TRPC4: variants seen among roughly 807,000 people sequenced by gnomAD.
TRPC4 encodes the protein short transient receptor potential channel 4.
TRPC4 carries 49 observed loss-of-function variants against 99.4 expected under a neutral mutation model. The observed-to-expected ratio is 0.49, with a 90% CI of 0.39 to 0.63. The LOEUF is 0.63. TRPC4 is among the 20% of genes least tolerant of loss of function. The pLI, the probability that TRPC4 is intolerant of heterozygous loss-of-function variation, is 0.00. For missense variants in TRPC4, 898 were observed against 1,152.9 expected (o/e 0.78, Z 3.20); for synonymous variants, 454 against 425.9 (o/e 1.07, Z -0.81).
intron 2 of TRPC4, among the ~76,000 whole-genome samples, chr13:37,770,333 G>A (rs1956515713): frequency 6.6e-6 from 1 of 151,378 alleles, no homozygotes; most frequent in Non-Finnish European, 1.5e-5. Flanking sequence ...TAGGAGAATG[G>A]GGTGACATCA....
At chr13:37,862,794 T>C (rs1436300243) in intron 1 of TRPC4, among the ~76,000 whole-genome samples, 2 of 151,622 alleles carry the variant, frequency 1.3e-5, no homozygotes, top group Non-Finnish European at 3.0e-5. Context: ...GTGACTGTTA[T>C]GTATTAAGAC....
intron 1 of TRPC4, among the ~76,000 whole-genome samples, chr13:37,825,523 G>A (rs1281312803): frequency 9.9e-5 from 15 of 151,514 alleles, no homozygotes; most frequent in Non-Finnish European, 2.1e-4. Context: ...CCTTCATTTT[G>A]TTATGTACCC....
At chr13:37,811,356 C>A (rs1458653046) in intron 1 of TRPC4, among the ~76,000 whole-genome samples, 1 of 152,046 alleles carries the variant, frequency 6.6e-6, no homozygotes, top group African/African-American at 2.4e-5. Flanking sequence ...AGTCACTGGA[C>A]ATTATCAGCC....
chr13:37,777,630 G>T (rs964147209), intron 2 of TRPC4, among the ~76,000 whole-genome samples: 1 of 151,926 alleles, frequency 6.6e-6, no homozygotes, highest in African/African-American at 2.4e-5. Flanking sequence ...AGGGTAAATT[G>T]CTGATGCTTA....
intron 1 of TRPC4, among the ~76,000 whole-genome samples, chr13:37,861,408 C>A (rs1959312614): frequency 6.6e-6 from 1 of 151,416 alleles, no homozygotes; most frequent in Non-Finnish European, 1.5e-5. Flanking sequence ...TCAATTACAG[C>A]AATGTAGTAA....
intron 4 of TRPC4, among the ~76,000 whole-genome samples, chr13:37,683,048 C>T (rs1229078670): frequency 2.0e-5 from 3 of 151,052 alleles, no homozygotes; most frequent in East Asian, 2.0e-4. Flanking sequence ...GGATTACAGG[C>T]GTCGGCAGCC....
intron 4 of TRPC4, among the ~76,000 whole-genome samples, chr13:37,685,482 C>T (rs919805804): frequency 5.9e-5 from 9 of 152,160 alleles, no homozygotes; most frequent in South Asian, 4.1e-4. Context: ...CTGTGAAGTT[C>T]GAACAAAAGA....
intron 1 of TRPC4, among the ~76,000 whole-genome samples, chr13:37,834,510 C>T (rs977039230): frequency 3.3e-5 from 5 of 152,184 alleles, no homozygotes; most frequent in Non-Finnish European, 5.9e-5. Flanking sequence ...AAACCACAAA[C>T]ACTTGTCACA....
chr13:37,693,425 A>T (rs1418241277), intron 3 of TRPC4, among the ~76,000 whole-genome samples: 1 of 152,170 alleles, frequency 6.6e-6, no homozygotes, highest in Non-Finnish European at 1.5e-5. Flanking sequence ...AGTTCCTTGT[A>T]AGAGACTTGG....
At chr13:37,712,825 G>T (rs976065462) in intron 3 of TRPC4, among the ~76,000 whole-genome samples, 1 of 152,152 alleles carries the variant, frequency 6.6e-6, no homozygotes, top group African/African-American at 2.4e-5. Context: ...TATCTCATGT[G>T]CCTGAGATCT....
At chr13:37,769,268 C>A (rs545177988) in intron 2 of TRPC4, among the ~76,000 whole-genome samples, 1 of 151,530 alleles carries the variant, frequency 6.6e-6, no homozygotes, top group East Asian at 2.0e-4. Flanking sequence ...AGGTGGCAGT[C>A]TTTTCCTTAA....
intron 1 of TRPC4, among the ~76,000 whole-genome samples, chr13:37,856,390 T>TA (rs34818320): frequency 0.15 from 16,768 of 109,936 alleles, 1,322 homozygotes; most frequent in Admixed American, 0.29. Context: ...AGTCTCCTAG[T>TA]AAAAAAAAAA....
At chr13:37,864,994 G>T (rs542175254) in intron 1 of TRPC4, among the ~76,000 whole-genome samples, 1 of 151,704 alleles carries the variant, frequency 6.6e-6, no homozygotes, top group Admixed American at 6.6e-5. Context: ...CTACTGAATG[G>T]ATAAGATTTT....
Position 37,803,873 on chromosome 13 carries a change from G to GA in TRPC4, c.-27-20514dup, listed in dbSNP as rs1249386674. Reference sequence around the variant, plus strand: ...CTTGGCTTGATCCATTCTAGGTTCAGAATAAAGATCAGTGTTGCTGGAGCA... The same window carrying GA: ...CTTGGCTTGATCCATTCTAGGTTCAGAAATAAAGATCAGTGTTGCTGGAGCA... On this transcript the variant is annotated intron_variant, in intron 1 of 10. Coordinates refer to ENST00000379705, the MANE Select transcript of TRPC4 (RefSeq NM_016179.4). Among the ~76,000 whole-genome samples the GA allele has an allele frequency of 2.6e-5, 4 of 152,206 alleles. No homozygotes were observed. In the East Asian group the frequency reaches 7.7e-4, roughly 29 times the overall value.
chr13:37,786,779 A>G (rs1376977143), intron 1 of TRPC4, among the ~76,000 whole-genome samples: 1 of 152,130 alleles, frequency 6.6e-6, no homozygotes, highest in African/African-American at 2.4e-5. Flanking sequence ...GTATAACACC[A>G]GAAGTGGAAT....
intron 3 of TRPC4, among the ~76,000 whole-genome samples, chr13:37,737,831 G>A (rs974820042): frequency 1.3e-5 from 2 of 152,072 alleles, no homozygotes; most frequent in Non-Finnish European, 2.9e-5. Flanking sequence ...TGAGTTACTT[G>A]ATACCAATAA....
intron 2 of TRPC4, among the ~76,000 whole-genome samples, chr13:37,764,843 T>A (rs1190758908): frequency 2.7e-5 from 4 of 146,664 alleles, no homozygotes; most frequent in Non-Finnish European, 3.0e-5. Context: ...CTAGTGAGAA[T>A]CATGTGTTTC....
intron 3 of TRPC4, among the ~76,000 whole-genome samples, chr13:37,736,098 C>A (rs1430257191): frequency 6.6e-6 from 1 of 152,168 alleles, no homozygotes; most frequent in Non-Finnish European, 1.5e-5. Context: ...GGTCTAAAAG[C>A]CTAGTGTTAA....
intron 1 of TRPC4, among the ~76,000 whole-genome samples, chr13:37,822,251 A>G (rs1419367097): frequency 6.6e-6 from 1 of 151,396 alleles, no homozygotes; most frequent in Non-Finnish European, 1.5e-5. Context: ...ACAATGAGAT[A>G]CCATCTCAAA....
Sources: allele counts gnomAD v4.1 joint callset (sites outside exome capture counted in the v4.1 genomes callset), GRCh38; gene constraint gnomAD v4.1.1; transcripts MANE v1.5; gene names NCBI Gene and HGNC (gene_info 2026-07-23, HGNC 2026-07-21).